Variants in NFASC observed in about 807,000 individuals in gnomAD.
The protein encoded by NFASC is neurofascin.
A neutral mutation model predicts 147.5 loss-of-function variants in NFASC; 43 were observed. The ratio of observed to expected loss-of-function variants is 0.29; its 90% confidence interval spans 0.23 to 0.38. The LOEUF (loss-of-function observed/expected upper bound fraction) is 0.38. Among genes scored for constraint, NFASC ranks in the 10% least tolerant of loss-of-function variants. The pLI, the probability that NFASC is intolerant of heterozygous loss-of-function variation, is 1.00. For missense variants in NFASC, 1,320 were observed against 1,689.0 expected (o/e 0.78, Z 3.83); for synonymous variants, 622 against 665.5 (o/e 0.93, Z 1.01).
chr1:204,877,051 T>A lies in NFASC; in HGVS notation c.-199-43581T>A, dbSNP rs1160087523. ...ATAATATATATTTATATATATATAA[T>A]ATATTTATTTATATATTTATATATA... On this transcript the variant is annotated intron_variant, in intron 1 of 29. Coordinates refer to ENST00000339876, the MANE Select transcript of NFASC (RefSeq NM_001005388.3). 7.1e-5 allele frequency among the ~76,000 whole-genome samples: 7 copies of A among 98,150 alleles called. 1 individual carries two copies. Among genetic ancestry groups the A allele is most frequent in the African/African-American group, 4.3e-4 (7 of 16,374 alleles). 64.4% of individuals were successfully genotyped at this position (98,150 alleles called of 152,430 possible). A position where few individuals can be genotyped will look rare whatever the true frequency, so the allele number is the denominator to read the frequency against.
Position 204,987,558 on chromosome 1 carries a change from CT to C in NFASC, c.2593+21del. On this transcript the variant is annotated intron_variant, in intron 22 of 29. Transcript: ENST00000339876. The surrounding 1 kb of genome is among the most constrained non-coding windows in gnomAD (Gnocchi z 4.4). Reference sequence around the variant, plus strand: ...TGTGGCCTGTACGTTCTGCCCTTCCCTTTCTCTTAGATAATCTGGGAACCAG... The same window carrying C: ...TGTGGCCTGTACGTTCTGCCCTTCCCTTCTCTTAGATAATCTGGGAACCAG... The C allele has an allele frequency of 1.2e-6, 2 of 1,613,896 alleles. No homozygotes were observed. Among genetic ancestry groups the C allele is most frequent in the Non-Finnish European group, 1.7e-6 (2 of 1,179,884 alleles).
At chr1:204,970,861 C>T (rs2095221761) in intron 11 of NFASC, 114 bp downstream of exon 11, 2 of 1,319,014 alleles carry the variant, frequency 1.5e-6, no homozygotes, top group Non-Finnish European at 2.1e-6. Context: ...AGAGAGAAGC[C>T]CACTGGTGGC....
chr1:204,967,952 T>G, intron 8 of NFASC: 2 of 267,126 alleles, frequency 7.5e-6, no homozygotes, highest in Admixed American at 5.2e-5. Flanking sequence ...CTCGCACTGC[T>G]CAGACAGCCC....
chr1:205,006,324 A>G (rs2096110497), intron 27 of NFASC, among the ~76,000 whole-genome samples: 1 of 152,238 alleles, frequency 6.6e-6, no homozygotes, highest in Non-Finnish European at 1.5e-5. Context: ...CGTTCTCAAG[A>G]CTTTAATAGT....
intron 2 of NFASC, among the ~76,000 whole-genome samples, chr1:204,938,184 A>G (rs2093037974): frequency 6.6e-6 from 1 of 152,236 alleles, no homozygotes; most frequent in African/African-American, 2.4e-5. Context: ...AATCAACACC[A>G]CGGGCCCCCA....
chr1:204,897,749 TG>T (rs781143124), intron 1 of NFASC, among the ~76,000 whole-genome samples: 1 of 150,652 alleles, frequency 6.6e-6, no homozygotes, highest in African/African-American at 2.4e-5. Flanking sequence ...AATTTTTTTT[TG>T]GGGGGGGCAG....
Position 205,011,952 on chromosome 1 carries a change from G to A in NFASC, c.3422-845G>A, listed in dbSNP as rs185393880. ...AAATGAGCCAGGCGCGGTGGCAGGC[G>A]CCTATAATCCCAGCTATTTGGGAGG... On this transcript the variant is annotated intron_variant, in intron 28 of 29. Coordinates refer to ENST00000339876, the MANE Select transcript of NFASC (RefSeq NM_001005388.3). Among the ~76,000 whole-genome samples the A allele has an allele frequency of 9.3e-4, 142 of 152,280 alleles. 1 individual carries two copies. The highest frequency in any genetic ancestry group is 5.6e-3 in the East Asian group (29 of 5,166).
chr1:204,992,726 G>A (rs1289729986), intron 24 of NFASC, among the ~76,000 whole-genome samples: 1 of 152,190 alleles, frequency 6.6e-6, no homozygotes, highest in Non-Finnish European at 1.5e-5. Context: ...CAAGCTCAAT[G>A]GGGAAGCAGC....
intron 17 of NFASC, among the ~76,000 whole-genome samples, chr1:204,978,669 T>G (rs998188655): frequency 1.9e-4 from 29 of 152,306 alleles, no homozygotes; most frequent in African/African-American, 7.0e-4. Context: ...TCTCAGAAGA[T>G]CCACCAAGAC....
chr1:204,841,910 G>A (rs1259931794), intron 1 of NFASC, among the ~76,000 whole-genome samples: 1 of 152,092 alleles, frequency 6.6e-6, no homozygotes, highest in African/African-American at 2.4e-5. Flanking sequence ...GCTATTGCAA[G>A]GGCACTTCCT....
intron 2 of NFASC, among the ~76,000 whole-genome samples, chr1:204,937,881 G>C (rs2093006395): frequency 6.6e-6 from 1 of 152,194 alleles, no homozygotes; most frequent in African/African-American, 2.4e-5. Context: ...TTTGTCTCTT[G>C]TCCATGCATG....
At chr1:204,965,058 G>A (rs977569694) in intron 8 of NFASC, among the ~76,000 whole-genome samples, 1 of 152,144 alleles carries the variant, frequency 6.6e-6, no homozygotes, top group African/African-American at 2.4e-5. Context: ...ACTGTCCCTG[G>A]GCAAGAAGTC....
chr1:204,971,037 C>T (rs2095232205), intron 11 of NFASC, among the ~76,000 whole-genome samples: 2 of 152,128 alleles, frequency 1.3e-5, no homozygotes, highest in Non-Finnish European at 2.9e-5. Flanking sequence ...CTCTGAACAA[C>T]TTCAGAGCCC....
chr1:204,863,805 G>A (rs1399719323), intron 1 of NFASC, among the ~76,000 whole-genome samples: 6 of 145,378 alleles, frequency 4.1e-5, no homozygotes, highest in South Asian at 2.1e-4. Flanking sequence ...CCAAGATCGC[G>A]CCACTTTACT....
chr1:204,948,558 T>G (rs1375171222), intron 3 of NFASC: 1 of 518,162 alleles, frequency 1.9e-6, no homozygotes, highest in African/African-American at 1.9e-5. Context: ...CGCTCACCTC[T>G]CTGGCCAAGG....
intron 7 of NFASC, among the ~76,000 whole-genome samples, chr1:204,957,239 C>G (rs957963167): frequency 2.0e-5 from 3 of 152,222 alleles, no homozygotes; most frequent in African/African-American, 7.2e-5. Context: ...ATAAGATGAA[C>G]AGATCATGGT....
In NFASC at chr1:205,021,418, A is replaced by G. The variant is rs1393331644; in HGVS notation, c.*4879A>G. ...CACACTAGTATTAAATGGGTGTTCC[A>G]TAATGAGGAGAATGGAAATAGGTAC... On this transcript the variant is annotated 3_prime_UTR_variant, in exon 30 of 30. Coordinates refer to ENST00000339876, the MANE Select transcript of NFASC (RefSeq NM_001005388.3). The G allele has an allele frequency of 6.5e-6, 1 of 152,684 alleles. No individual in the cohort carries two copies. Among genetic ancestry groups the G allele is most frequent in the East Asian group, 1.9e-4 (1 of 5,202 alleles). The allele number at this position is 152,684 out of a possible 1,614,324, so 9.5% of individuals were successfully genotyped here.
Position 205,018,191 on chromosome 1 carries a change from T to G in NFASC, c.*1652T>G, listed in dbSNP as rs1166835009. ...AGTCTAAGAGGAACCCTTTAGCTGT[T>G]TCTGCAGCTGAGGTCAGTTTCAGGA... On this transcript the variant is annotated 3_prime_UTR_variant, in exon 30 of 30. Coordinates refer to ENST00000339876, the MANE Select transcript of NFASC (RefSeq NM_001005388.3). 1 of 152,582 alleles carries G rather than the reference T, an allele frequency of 6.6e-6. No homozygotes were observed. Among genetic ancestry groups the G allele is most frequent in the African/African-American group, 2.4e-5 (1 of 41,462 alleles). The allele number at this position is 152,582 out of a possible 1,614,324, so 9.5% of individuals were successfully genotyped here.
In NFASC at chr1:204,913,042, A is replaced by T. The variant is rs182598817; in HGVS notation, c.-199-7590A>T. Among the ~76,000 whole-genome samples, 480 of 152,294 alleles carry T rather than the reference A, an allele frequency of 3.2e-3. 2 individuals are homozygous for T. Among genetic ancestry groups the T allele is most frequent in the African/African-American group, 0.011 (452 of 41,546 alleles). On this transcript the variant is annotated intron_variant, in intron 1 of 29. Coordinates refer to ENST00000339876, the MANE Select transcript of NFASC (RefSeq NM_001005388.3). ...GACCCCATCTCAAAAATATTTTTTT[A>T]AATTTAAAAATAGAAAAATAACTTT...
Sources: allele counts gnomAD v4.1 joint callset (sites outside exome capture counted in the v4.1 genomes callset), GRCh38; gene constraint gnomAD v4.1.1; non-coding constraint Gnocchi (gnomAD v3.1); transcripts MANE v1.5; gene names NCBI Gene and HGNC (gene_info 2026-07-23, HGNC 2026-07-21).